The following PTPRD variants were observed in gnomAD, a reference collection of about 807,000 sequenced individuals.
PTPRD encodes the protein protein tyrosine phosphatase receptor type D.
A neutral mutation model predicts 214.5 loss-of-function variants in PTPRD; 34 were observed. That is an observed-to-expected ratio of 0.16 (90% CI 0.12 to 0.21). The LOEUF (loss-of-function observed/expected upper bound fraction) is 0.21. PTPRD is among the 10% of genes least tolerant of loss of function. The pLI, the probability that PTPRD is intolerant of heterozygous loss-of-function variation, is 1.00. For synonymous variants in PTPRD, 1,128 were observed against 845.7 expected, an observed-to-expected ratio of 1.33 and a Z score of -5.79; for missense variants, 2,545 against 2,398.7, an observed-to-expected ratio of 1.06 and a Z score of -1.27.
At chr9:9,775,919 G>A (rs1255692765) in intron 5 of PTPRD, among the ~76,000 whole-genome samples, 1 of 121,470 alleles carries the variant, frequency 8.2e-6, no homozygotes, top group Non-Finnish European at 1.6e-5. Flanking sequence ...TCGGGCCACT[G>A]CCTCCAGCCT....
chr9:9,028,306 T>C (rs1569464080), intron 10 of PTPRD, among the ~76,000 whole-genome samples: 1 of 151,994 alleles, frequency 6.6e-6, no homozygotes, highest in Non-Finnish European at 1.5e-5. Flanking sequence ...ATATTCACTA[T>C]ATTTCAGCTA....
chr9:9,960,508 A>T (rs1341105259), intron 4 of PTPRD, among the ~76,000 whole-genome samples: 2 of 152,146 alleles, frequency 1.3e-5, no homozygotes, highest in Non-Finnish European at 2.9e-5. Flanking sequence ...AACCTGACAT[A>T]TACTACCTCA....
At chr9:8,891,137 A>ATTTT (rs761564011) in intron 11 of PTPRD, among the ~76,000 whole-genome samples, 1 of 123,626 alleles carries the variant, frequency 8.1e-6, no homozygotes, top group Non-Finnish European at 1.7e-5. Context: ...AATTAATCTA[A>ATTTT]TTTTTTTTTT....
At chr9:8,371,077 C>A (rs985927688) in intron 39 of PTPRD, among the ~76,000 whole-genome samples, 8 of 151,910 alleles carry the variant, frequency 5.3e-5, no homozygotes, top group African/African-American at 1.7e-4. Flanking sequence ...AAATGGGGAG[C>A]TATGTCTAAA....
intron 14 of PTPRD, among the ~76,000 whole-genome samples, chr9:8,562,824 C>A (rs1392069600): frequency 6.6e-6 from 1 of 150,444 alleles, no homozygotes; most frequent in East Asian, 1.9e-4. Context: ...AAAACATTTC[C>A]TAATCCAATC....
chr9:9,618,297 T>A (rs1038894780), intron 7 of PTPRD, among the ~76,000 whole-genome samples: 2 of 151,846 alleles, frequency 1.3e-5, no homozygotes, highest in Admixed American at 6.6e-5. Context: ...TTATCACAAT[T>A]TTAAGTTGAG....
rs1187784289 is a variant in PTPRD at position 10,133,867 on chromosome 9, TTTG to T, written c.-544-100080_-544-100078del. Reference sequence around the variant, plus strand: ...GTGCTTAGTGCTTGTTATGTGATTTTTTGTTGTTGGTAAAATGTGGTGAGTTTA... The same window carrying T: ...GTGCTTAGTGCTTGTTATGTGATTTTTTGTTGGTAAAATGTGGTGAGTTTA... On this transcript the variant is annotated intron_variant, in intron 3 of 45. Coordinates refer to ENST00000381196, the MANE Select transcript of PTPRD (RefSeq NM_002839.4). Among the ~76,000 whole-genome samples the T allele has an allele frequency of 3.3e-5, 5 of 152,324 alleles. No homozygotes were observed. In the South Asian group the frequency reaches 6.2e-4, roughly 19 times the overall value.
At chr9:10,010,428 A>C (rs1041696511) in intron 4 of PTPRD, among the ~76,000 whole-genome samples, 19 of 151,842 alleles carry the variant, frequency 1.3e-4, no homozygotes, top group African/African-American at 4.3e-4. Flanking sequence ...AATTTAATTT[A>C]ATTTAATTTA....
chr9:8,571,703 C>T (rs184717097), intron 14 of PTPRD, among the ~76,000 whole-genome samples: 108 of 152,176 alleles, frequency 7.1e-4, no homozygotes, highest in African/African-American at 2.6e-3. Context: ...TAAGTGGGTT[C>T]TTCCATTTGT....
At chr9:10,304,423 A>C (rs892396399) in intron 3 of PTPRD, among the ~76,000 whole-genome samples, 1 of 152,206 alleles carries the variant, frequency 6.6e-6, no homozygotes, top group African/African-American at 2.4e-5. Flanking sequence ...TGAATCAGGC[A>C]GGAGAAAGAA....
chr9:9,798,526 C>A (rs1036758002), intron 5 of PTPRD, among the ~76,000 whole-genome samples: 2 of 152,132 alleles, frequency 1.3e-5, no homozygotes, highest in African/African-American at 4.8e-5. Context: ...AGGGAAGGGA[C>A]TTCTCAGACA....
intron 8 of PTPRD, among the ~76,000 whole-genome samples, chr9:9,472,003 T>C (rs975193107): frequency 6.6e-6 from 1 of 152,160 alleles, no homozygotes; most frequent in Non-Finnish European, 1.5e-5. Flanking sequence ...TTATAAAATA[T>C]AGACCATTAC....
At chr9:10,069,519 T>C (rs547951066) in intron 3 of PTPRD, among the ~76,000 whole-genome samples, 2 of 152,136 alleles carry the variant, frequency 1.3e-5, no homozygotes, top group African/African-American at 4.8e-5. Context: ...CCAGGATTTC[T>C]CTAGAGAAAA....
At chr9:8,437,803 A>C (rs1008877143) in intron 34 of PTPRD, among the ~76,000 whole-genome samples, 10 of 152,240 alleles carry the variant, frequency 6.6e-5, no homozygotes, top group Admixed American at 2.6e-4. Context: ...ATTCTAGTTC[A>C]TTCAGCCAGC....
At chr9:8,807,973 T>G (rs1287305462) in intron 11 of PTPRD, among the ~76,000 whole-genome samples, 1 of 152,198 alleles carries the variant, frequency 6.6e-6, no homozygotes, top group East Asian at 1.9e-4. Context: ...CTACATAAAT[T>G]AGAAACCTAA....
chr9:8,818,227 T>C (rs2096963324), intron 11 of PTPRD, among the ~76,000 whole-genome samples: 1 of 152,216 alleles, frequency 6.6e-6, no homozygotes, highest in African/African-American at 2.4e-5. Context: ...ATTGTATACC[T>C]CATCCTAATT....
At chr9:9,235,434 C>G (rs995865931) in intron 9 of PTPRD, among the ~76,000 whole-genome samples, 2 of 152,170 alleles carry the variant, frequency 1.3e-5, no homozygotes, top group Non-Finnish European at 2.9e-5. Flanking sequence ...TGGCTGTCCA[C>G]TCTTCATGGA....
chr9:8,507,292 T>C lies in PTPRD; in HGVS notation c.1677+9A>G, dbSNP rs1424738235. ...ATAATTCCCAAGGTGAGAAGCACTATAGTCTTACCTCCTCTCCATGCTCCC... is the reference window on the plus strand; with the variant it reads ...ATAATTCCCAAGGTGAGAAGCACTACAGTCTTACCTCCTCTCCATGCTCCC... On this transcript the variant is annotated intron_variant, in intron 22 of 45. Coordinates refer to ENST00000381196, the MANE Select transcript of PTPRD (RefSeq NM_002839.4). 10 of 1,613,118 alleles carry C rather than the reference T, an allele frequency of 6.2e-6. No individual in the cohort carries two copies. The South Asian group carries it at 1.1e-4, about 18-fold the overall frequency.
chr9:10,126,968 G>T (rs907404248), intron 3 of PTPRD, among the ~76,000 whole-genome samples: 4 of 129,278 alleles, frequency 3.1e-5, no homozygotes, highest in African/African-American at 1.4e-4. Flanking sequence ...TTTTTTGGCA[G>T]AAACACTGCA....
Sources: gnomAD v4.1 joint callset for allele counts (sites outside exome capture counted in the v4.1 genomes callset) on GRCh38, gnomAD v4.1.1 for gene constraint, MANE v1.5 for transcripts, NCBI Gene and HGNC (gene_info 2026-07-23, HGNC 2026-07-21) for gene names.